SEZ6L2: variants seen among roughly 807,000 people sequenced by gnomAD.
SEZ6L2 encodes the protein seizure related 6 homolog like 2, also known as seizure 6-like protein 2.
SEZ6L2 carries 44 observed loss-of-function variants against 97.0 expected under a neutral mutation model. That is an observed-to-expected ratio of 0.45 (90% confidence interval 0.36 to 0.58). The LOEUF is 0.58. Ranked by LOEUF, SEZ6L2 falls within the 20% of genes least tolerant of loss-of-function variation. SEZ6L2 has a pLI of 0.00. For missense variants in SEZ6L2, 1,086 were observed against 1,233.3 expected (o/e 0.88, Z 1.79); for synonymous variants, 543 against 546.1 (o/e 0.99, Z 0.08).
Position 29,896,853 on chromosome 16 carries a change from C to CGTG in SEZ6L2, c.477_479dup (p.Thr162dup), listed in dbSNP as rs1567428895. 2 of 1,614,054 alleles carry CGTG rather than the reference C, an allele frequency of 1.2e-6. No homozygotes were observed. Among genetic ancestry groups the CGTG allele is most frequent in the Admixed American group, 1.7e-5 (1 of 60,004 alleles). On this transcript the variant is annotated inframe_insertion, in exon 3 of 18. Coordinates refer to ENST00000617533, the MANE Select transcript of SEZ6L2 (RefSeq NM_001243332.2). ...TGGTCACCGTAGTGGTAACAGTTGT[C>CGTG]GTGGTGATGATGGTGGTCGTCGTCT...
At position 29,895,472 on chromosome 16, in the gene SEZ6L2, A is replaced by G. The variant is rs1263189002; in HGVS notation, c.652-12T>C. On this transcript the variant is annotated splice_polypyrimidine_tract_variant and intron_variant, in intron 4 of 17. Coordinates refer to ENST00000617533, the MANE Select transcript of SEZ6L2 (RefSeq NM_001243332.2). ...TTCAGCGTCTGCACCTAGAGAAGCC[A>G]GACACAGACCCGCCAGGGCAAGTCA... 1 of 1,613,064 alleles carries G rather than the reference A, an allele frequency of 6.2e-7. No individual in the cohort carries two copies. Among genetic ancestry groups the G allele is most frequent in the African/African-American group, 1.3e-5 (1 of 74,914 alleles).
rs2067912379 is a variant in SEZ6L2, at chr16:29,876,742, C to T, written c.2104+14G>A. 6.6e-7 allele frequency: 1 copy of T among 1,524,218 alleles called. No individual in the cohort carries two copies. The highest frequency in any genetic ancestry group is 8.8e-7 in the Non-Finnish European group (1 of 1,131,234). 94.4% of individuals were successfully genotyped at this position (1,524,218 alleles called of 1,614,324 possible). ...AGGGGCGGGGCCGAGGGGACGCGGG[C>T]GGGGCCGGCTCACTCTTTTGGCAGG... is the stretch of plus-strand genomic sequence containing the variant. On this transcript the variant is annotated intron_variant, in intron 12 of 17. Transcript: ENST00000617533. The surrounding 1 kb of genome is among the most constrained non-coding windows in gnomAD (Gnocchi z 6.5).
intron 1 of SEZ6L2, among the ~76,000 whole-genome samples, chr16:29,898,451 C>T (rs1005654029): frequency 2.0e-5 from 3 of 152,030 alleles, no homozygotes; most frequent in Non-Finnish European, 4.4e-5. Context: ...CTCTCTCCCC[C>T]CCACCCTCTC....
Position 29,899,117 on chromosome 16 carries a change from T to G in SEZ6L2, c.-98A>C, listed in dbSNP as rs2068475887. The G allele has an allele frequency of 9.8e-6, 8 of 812,726 alleles. No individual in the cohort carries two copies. The highest frequency in any genetic ancestry group is 9.4e-6 in the Non-Finnish European group (5 of 531,430). 50.3% of individuals were successfully genotyped at this position (812,726 alleles called of 1,614,324 possible). On this transcript the variant is annotated 5_prime_UTR_variant, in exon 1 of 18. Transcript: ENST00000617533. ...TTATCTTTCCCTTTAATTGTTTTTT[T>G]TTTTTTTTTTTTTTTCCTCGTAGGA... is the stretch of plus-strand genomic sequence containing the variant.
chr16:29,895,206 C>T, intron 5 of SEZ6L2, 53 bp downstream of exon 5: 1 of 1,074,526 alleles, frequency 9.3e-7, no homozygotes, highest in Non-Finnish European at 1.4e-6. Flanking sequence ...AAAAGATGTC[C>T]AGTGTATGCA....
Position 29,886,965 on chromosome 16 carries a change from T to C in SEZ6L2, c.1208+684A>G, listed in dbSNP as rs538351005. ...GGGAGGCCAAGGTGGGCAGATCACC[T>C]GAGGTTGGGAGTTTGAGACCAGCCT... On this transcript the variant is annotated intron_variant, in intron 7 of 17. Coordinates refer to ENST00000617533, the MANE Select transcript of SEZ6L2 (RefSeq NM_001243332.2). 9.2e-5 allele frequency among the ~76,000 whole-genome samples: 14 copies of C among 152,154 alleles called. No individual in the cohort carries two copies. The East Asian group carries it at 1.6e-3, about 17-fold the overall frequency.
intron 9 of SEZ6L2, 25 bp from the exon 10 acceptor site, chr16:29,878,450 C>T: frequency 3.2e-6 from 5 of 1,572,996 alleles, no homozygotes; most frequent in Non-Finnish European, 4.3e-6. Flanking sequence ...GTGTCAGGTT[C>T]AGGACCCAGG....
rs908158627 is a variant in SEZ6L2, at chr16:29,877,560, C to T, written c.1713-93G>A. On this transcript the variant is annotated intron_variant, in intron 10 of 17. Coordinates refer to ENST00000617533, the MANE Select transcript of SEZ6L2 (RefSeq NM_001243332.2). Reference sequence around the variant, plus strand: ...TCCTCAACTCTGCTCATTGGTAGCCCCTCCTACTCTCCAGCCCCGCCCATA... The same window carrying T: ...TCCTCAACTCTGCTCATTGGTAGCCTCTCCTACTCTCCAGCCCCGCCCATA... The T allele has an allele frequency of 3.4e-6, 4 of 1,174,276 alleles. No individual in the cohort carries two copies. The African/African-American group carries it at 4.7e-5, about 14-fold the overall frequency. The allele number at this position is 1,174,276 out of a possible 1,614,324, so 72.7% of individuals were successfully genotyped here.
At chr16:29,880,168 GC>G in intron 8 of SEZ6L2, 104 bp from the exon 9 acceptor site, 4 of 1,092,014 alleles carry the variant, frequency 3.7e-6, no homozygotes, top group South Asian at 1.6e-5. Flanking sequence ...CACTCACTGG[GC>G]TTTTTTTTTT....
At chr16:29,896,532 C>A (rs1477573996) in intron 3 of SEZ6L2, among the ~76,000 whole-genome samples, 2 of 152,170 alleles carry the variant, frequency 1.3e-5, no homozygotes, top group Admixed American at 1.3e-4. Context: ...GCCCGCCTGG[C>A]CTCCCAAAGT....
At chr16:29,898,062 T>C in intron 1 of SEZ6L2, 78 bp from the exon 2 acceptor site, 1 of 1,581,606 alleles carries the variant, frequency 6.3e-7, no homozygotes, top group Non-Finnish European at 8.6e-7. Context: ...CTAGAACTCT[T>C]CCTCCCTCCT....
Position 29,897,129 on chromosome 16 carries a change from A to G in SEZ6L2, c.212-8T>C. The G allele has an allele frequency of 1.9e-6, 3 of 1,541,526 alleles. No homozygotes were observed. Among genetic ancestry groups the G allele is most frequent in the Non-Finnish European group, 2.6e-6 (3 of 1,146,302 alleles). On this transcript the variant is annotated splice_region_variant and splice_polypyrimidine_tract_variant and intron_variant, in intron 2 of 17. Transcript: ENST00000617533. The stretch of plus-strand genomic sequence containing the variant: ...TGGGGTCCCGATCAGATCCTGGGAC[A>G]GTGCAGGGAATATCAGAGCACAGGA...
rs71143763 is a variant in SEZ6L2, at chr16:29,890,743, CTTTTT to C, written c.854-2023_854-2019del. On this transcript the variant is annotated intron_variant, in intron 5 of 17. Transcript: ENST00000617533. Reference sequence around the variant, plus strand: ...ATTTTGTCATCACATTAACCATTGTCTTTTTTTTTTTTTTTTTTTTTTTTTGAGAG... The same window carrying C: ...ATTTTGTCATCACATTAACCATTGTCTTTTTTTTTTTTTTTTTTTTGAGAG... Among the ~76,000 whole-genome samples, 6 of 74,386 alleles carry C rather than the reference CTTTTT, an allele frequency of 8.1e-5. No homozygotes were observed. In the East Asian group the frequency reaches 1.9e-3, roughly 23 times the overall value. The allele number at this position is 74,386 out of a possible 152,430, so 48.8% of individuals were successfully genotyped here. A position where few individuals can be genotyped will look rare whatever the true frequency, so the allele number is the denominator to read the frequency against.
intron 5 of SEZ6L2, among the ~76,000 whole-genome samples, chr16:29,893,932 G>A (rs991260168): frequency 9.2e-5 from 14 of 152,106 alleles, no homozygotes; most frequent in East Asian, 3.8e-4. Context: ...GTACAATGGC[G>A]CAATCTCAGC....
At chr16:29,891,676 G>A (rs1440570053) in intron 5 of SEZ6L2, among the ~76,000 whole-genome samples, 1 of 152,016 alleles carries the variant, frequency 6.6e-6, no homozygotes, top group Non-Finnish European at 1.5e-5. Flanking sequence ...TGATCAATGG[G>A]TGCAGCCAAG....
At chr16:29,896,216 G>A (rs142461890) in intron 3 of SEZ6L2, among the ~76,000 whole-genome samples, 42 of 152,230 alleles carry the variant, frequency 2.8e-4, no homozygotes, top group African/African-American at 8.7e-4. Flanking sequence ...CTCCTGCCTT[G>A]GCCTCCCAAA....
At chr16:29,878,945 C>T (rs1365312904) in intron 9 of SEZ6L2, among the ~76,000 whole-genome samples, 1 of 151,836 alleles carries the variant, frequency 6.6e-6, no homozygotes, top group African/African-American at 2.4e-5. Flanking sequence ...CTCTGTCGCC[C>T]AGGCTGGAGT....
chr16:29,871,467 G>C lies in SEZ6L2; in HGVS notation c.*232C>G, dbSNP rs566920777. 21 of 595,644 alleles carry C rather than the reference G, an allele frequency of 3.5e-5. No homozygotes were observed. Among genetic ancestry groups the C allele is most frequent in the Admixed American group, 2.9e-5 (1 of 34,738 alleles). 36.9% of individuals were successfully genotyped at this position (595,644 alleles called of 1,614,324 possible). On this transcript the variant is annotated 3_prime_UTR_variant, in exon 18 of 18. Coordinates refer to ENST00000617533, the MANE Select transcript of SEZ6L2 (RefSeq NM_001243332.2). ...CCCAGAATCCAAAAGCCGGTAGGGCGGGGGGCAGGCCCCTCGTTTGGCAAC... is the reference window on the plus strand; with the variant it reads ...CCCAGAATCCAAAAGCCGGTAGGGCCGGGGGCAGGCCCCTCGTTTGGCAAC...
chr16:29,872,882 T>C, intron 14 of SEZ6L2, 139 bp from the exon 15 acceptor site: 1 of 713,822 alleles, frequency 1.4e-6, no homozygotes, highest in Non-Finnish European at 2.3e-6. Flanking sequence ...TCTCCCTTTG[T>C]GGGGAAGAGA....
Sources: gnomAD v4.1 joint callset for allele counts (sites outside exome capture counted in the v4.1 genomes callset) on GRCh38, gnomAD v4.1.1 for gene constraint, Gnocchi (gnomAD v3.1) non-coding constraint, MANE v1.5 for transcripts, NCBI Gene and HGNC (gene_info 2026-07-23, HGNC 2026-07-21) for gene names.